Variants in GRIA4 observed in about 807,000 individuals in gnomAD.
The protein encoded by GRIA4 is glutamate receptor 4.
GRIA4 carries 34 observed loss-of-function variants against 104.0 expected under a neutral mutation model. The observed-to-expected ratio is 0.33, with a 90% CI of 0.25 to 0.44. The LOEUF (loss-of-function observed/expected upper bound fraction) is 0.44, where lower values mean the gene tolerates loss of function less well. Ranked by LOEUF, GRIA4 falls within the 20% of genes least tolerant of loss-of-function variation. The pLI, the probability that GRIA4 is intolerant of heterozygous loss-of-function variation, is 1.00. For synonymous variants in GRIA4, 386 were observed against 381.9 expected, an observed-to-expected ratio of 1.01 and a Z score of -0.13; for missense variants, 750 against 1,096.5, an observed-to-expected ratio of 0.68 and a Z score of 4.46.
intron 2 of GRIA4, 141 bp from the exon 3 acceptor site, chr11:105,612,135 A>G: frequency 1.4e-6 from 1 of 705,756 alleles, no homozygotes; most frequent in South Asian, 1.9e-5. Flanking sequence ...TTAGGGACAA[A>G]GGGCAGTCTC....
At chr11:105,809,578 C>T (rs1301153041) in intron 4 of GRIA4, among the ~76,000 whole-genome samples, 1 of 152,010 alleles carries the variant, frequency 6.6e-6, no homozygotes, top group Non-Finnish European at 1.5e-5. Flanking sequence ...CCTATGCTGT[C>T]GCGTGATAGT....
At chr11:105,958,799 G>T (rs1452471173) in intron 14 of GRIA4, among the ~76,000 whole-genome samples, 1 of 152,108 alleles carries the variant, frequency 6.6e-6, no homozygotes, top group Non-Finnish European at 1.5e-5. Context: ...CTGCAACGCA[G>T]CCCTGGTAGT....
At chr11:105,634,430 GGAGGAGA>G (rs1951128109) in intron 3 of GRIA4, among the ~76,000 whole-genome samples, 7 of 140,772 alleles carry the variant, frequency 5.0e-5, no homozygotes, top group East Asian at 4.0e-4. Flanking sequence ...AGAAAGGAAG[GGAGGAGA>G]AAGGAAGGAA....
intron 3 of GRIA4, among the ~76,000 whole-genome samples, chr11:105,745,459 T>C (rs1306644256): frequency 6.6e-6 from 1 of 152,110 alleles, no homozygotes; most frequent in Non-Finnish European, 1.5e-5. Context: ...GGCCACTTTG[T>C]AGAAGAGGTA....
At chr11:105,854,582 G>T (rs1348903963) in intron 4 of GRIA4, among the ~76,000 whole-genome samples, 2 of 152,208 alleles carry the variant, frequency 1.3e-5, no homozygotes, top group Non-Finnish European at 2.9e-5. Context: ...GGAAATAAAA[G>T]ACATGTAAAG....
chr11:105,796,390 G>A (rs565927849), intron 4 of GRIA4, among the ~76,000 whole-genome samples: 20 of 152,296 alleles, frequency 1.3e-4, no homozygotes, highest in Non-Finnish European at 2.8e-4. Context: ...GCAGCAGTTA[G>A]TGAGATTTGG....
chr11:105,951,012 C>T (rs895667983), intron 14 of GRIA4, among the ~76,000 whole-genome samples: 5 of 152,286 alleles, frequency 3.3e-5, no homozygotes, highest in Admixed American at 3.3e-4. Flanking sequence ...CATTAGGCCC[C>T]AGGGACTGCA....
In GRIA4 at chr11:105,660,196, G is replaced by GA. The variant is rs1951965125; in HGVS notation, c.247+47765dup. ...ATAATTCCCTAGATCTCAAGAATTT[G>GA]AAATTCCAGATGGAAATATCCACTA... On this transcript the variant is annotated intron_variant, in intron 3 of 16. Transcript: ENST00000282499. Among the ~76,000 whole-genome samples, 3 of 151,670 alleles carry GA rather than the reference G, an allele frequency of 2.0e-5. No individual in the cohort carries two copies. In the South Asian group the frequency reaches 6.2e-4, roughly 31 times the overall value.
chr11:105,754,750 T>C (rs1291071517), intron 4 of GRIA4, among the ~76,000 whole-genome samples: 12 of 152,200 alleles, frequency 7.9e-5, no homozygotes, highest in Admixed American at 7.9e-4. Context: ...CATCTGTGGA[T>C]TCTGTCTTCA....
intron 4 of GRIA4, among the ~76,000 whole-genome samples, chr11:105,760,232 A>T (rs918581555): frequency 6.6e-6 from 1 of 152,050 alleles, no homozygotes; most frequent in African/African-American, 2.4e-5. Flanking sequence ...TCTTTACTCC[A>T]TGTTTTCCCT....
chr11:105,823,473 T>C (rs1426190624), intron 4 of GRIA4, among the ~76,000 whole-genome samples: 1 of 152,072 alleles, frequency 6.6e-6, no homozygotes, highest in African/African-American at 2.4e-5. Context: ...GAACTGCTGA[T>C]GGGAACCCAA....
At chr11:105,818,897 C>T (rs974235159) in intron 4 of GRIA4, among the ~76,000 whole-genome samples, 5 of 152,132 alleles carry the variant, frequency 3.3e-5, no homozygotes, top group Admixed American at 6.5e-5. Context: ...TAACTAATCC[C>T]TTGTTTTTAA....
chr11:105,900,792 G>A lies in GRIA4; in HGVS notation c.885+2365G>A, dbSNP rs545284751. Among the ~76,000 whole-genome samples the A allele has an allele frequency of 8.8e-4, 134 of 152,100 alleles. 1 individual carries two copies. The highest frequency in any genetic ancestry group is 3.0e-3 in the African/African-American group (124 of 41,494). On this transcript the variant is annotated intron_variant, in intron 7 of 16. Coordinates refer to ENST00000282499, the MANE Select transcript of GRIA4 (RefSeq NM_000829.4). ...TTTAGTATAGACGGGGTTTCGCCACGATGGCCAGGCTGGTCTTGAGCTCCT... is the reference window on the plus strand; with the variant it reads ...TTTAGTATAGACGGGGTTTCGCCACAATGGCCAGGCTGGTCTTGAGCTCCT...
intron 3 of GRIA4, among the ~76,000 whole-genome samples, chr11:105,735,270 A>G (rs749437146): frequency 6.6e-6 from 1 of 152,166 alleles, no homozygotes; most frequent in Non-Finnish European, 1.5e-5. Flanking sequence ...GCTTAGACTC[A>G]ATATAGTGAA....
chr11:105,954,255 A>T (rs1057432606), intron 14 of GRIA4, among the ~76,000 whole-genome samples: 4 of 152,170 alleles, frequency 2.6e-5, no homozygotes, highest in African/African-American at 7.2e-5. Flanking sequence ...GGAACAATAA[A>T]TGTTTTTCTA....
At chr11:105,647,888 G>A (rs990093952) in intron 3 of GRIA4, among the ~76,000 whole-genome samples, 2 of 151,922 alleles carry the variant, frequency 1.3e-5, no homozygotes, top group Non-Finnish European at 2.9e-5. Flanking sequence ...GAACCCTGGA[G>A]GTTGAGGTTG....
At chr11:105,883,470 C>CA (rs1006727667) in intron 5 of GRIA4, among the ~76,000 whole-genome samples, 1 of 144,910 alleles carries the variant, frequency 6.9e-6, no homozygotes, top group Non-Finnish European at 1.5e-5. Context: ...TGTTCCCCTT[C>CA]CTGTGTCCAA....
intron 3 of GRIA4, among the ~76,000 whole-genome samples, chr11:105,666,116 G>A (rs990777195): frequency 1.3e-5 from 2 of 151,854 alleles, no homozygotes; most frequent in Non-Finnish European, 2.9e-5. Context: ...AATAGGTAAG[G>A]CTGTGTACTG....
At chr11:105,961,409 A>T (rs2136263229) in intron 14 of GRIA4, among the ~76,000 whole-genome samples, 1 of 152,226 alleles carries the variant, frequency 6.6e-6, no homozygotes, top group Admixed American at 6.5e-5. Context: ...GTGTTTTTAA[A>T]CTATATTAAG....
Sources: gnomAD v4.1 joint callset for allele counts (sites outside exome capture counted in the v4.1 genomes callset) on GRCh38, gnomAD v4.1.1 for gene constraint, MANE v1.5 for transcripts, NCBI Gene and HGNC (gene_info 2026-07-23, HGNC 2026-07-21) for gene names.